RGS6: variants seen among roughly 807,000 people sequenced by gnomAD.
RGS6 encodes the protein regulator of G protein signaling 6.
Under a neutral mutation model 78.5 loss-of-function variants are expected in RGS6, and 30 were observed. The observed-to-expected ratio is 0.38, with a 90% CI of 0.29 to 0.52. The LOEUF (loss-of-function observed/expected upper bound fraction) is 0.52, where lower values mean the gene tolerates loss of function less well. RGS6 is among the 20% of genes least tolerant of loss of function. The pLI is 0.85. For synonymous variants in RGS6, 206 were observed against 206.0 expected (o/e 1.00, Z 0.00); for missense variants, 495 against 609.7 (o/e 0.81, Z 1.98).
At chr14:72,148,859 A>G (rs528753240) in intron 2 of RGS6, among the ~76,000 whole-genome samples, 10 of 152,348 alleles carry the variant, frequency 6.6e-5, no homozygotes, top group Non-Finnish European at 1.3e-4. Context: ...CCTAAAAATG[A>G]GTGGATTTTT....
At chr14:72,527,149 G>A (rs199891747) in intron 15 of RGS6, among the ~76,000 whole-genome samples, 1 of 152,200 alleles carries the variant, frequency 6.6e-6, no homozygotes, top group South Asian at 2.1e-4. Flanking sequence ...GGCCATCCCT[G>A]GTGTCTTGGC....
intron 4 of RGS6, among the ~76,000 whole-genome samples, chr14:72,455,504 G>T (rs1386781585): frequency 1.3e-5 from 2 of 152,188 alleles, no homozygotes; most frequent in Admixed American, 6.5e-5. Flanking sequence ...TTTCTAATCT[G>T]TTGACTGCAA....
chr14:72,524,916 C>T (rs1473171881), intron 15 of RGS6, among the ~76,000 whole-genome samples: 6 of 152,228 alleles, frequency 3.9e-5, no homozygotes, highest in African/African-American at 1.4e-4. Context: ...TTTCCCACCT[C>T]ACCTTCCTAC....
chr14:72,314,437 G>A (rs1289973256), intron 2 of RGS6, among the ~76,000 whole-genome samples: 2 of 152,160 alleles, frequency 1.3e-5, no homozygotes, highest in African/African-American at 4.8e-5. Flanking sequence ...GGCATCCACT[G>A]GCTTACAGAC....
At chr14:72,034,913 C>G (rs2091459397) in intron 2 of RGS6, among the ~76,000 whole-genome samples, 1 of 152,096 alleles carries the variant, frequency 6.6e-6, no homozygotes, top group South Asian at 2.1e-4. Flanking sequence ...CAACTGCAAT[C>G]TGAAAATATT....
intron 2 of RGS6, among the ~76,000 whole-genome samples, chr14:72,150,451 A>T (rs1156742353): frequency 6.6e-6 from 1 of 152,026 alleles, no homozygotes; most frequent in African/African-American, 2.4e-5. Flanking sequence ...GAAATTATAC[A>T]CGAAGTTAGA....
At chr14:72,377,026 A>G (rs577342790) in intron 3 of RGS6, among the ~76,000 whole-genome samples, 146 of 152,308 alleles carry the variant, frequency 9.6e-4, no homozygotes, top group Non-Finnish European at 1.7e-3. Flanking sequence ...AGTAAAAAGA[A>G]ATCGATAGGA....
At chr14:72,625,115 C>T in the RGS6 span, among the ~76,000 whole-genome samples, 1 of 152,090 alleles carries the variant, frequency 6.6e-6, no homozygotes. Context: ...TATCCTACTT[C>T]TCATCATACT....
intron 2 of RGS6, among the ~76,000 whole-genome samples, chr14:72,119,353 C>T (rs2095989818): frequency 6.6e-6 from 1 of 152,102 alleles, no homozygotes. Context: ...TCATAGGAAA[C>T]CATACCCCAC....
chr14:72,584,000 A>C, the RGS6 span, among the ~76,000 whole-genome samples: 2 of 152,218 alleles, frequency 1.3e-5, no homozygotes, highest in Non-Finnish European at 2.9e-5. Context: ...AAGAATCATC[A>C]TCCAAGAGGT....
chr14:72,085,024 G>A (rs1218877605), intron 2 of RGS6, among the ~76,000 whole-genome samples: 1 of 152,130 alleles, frequency 6.6e-6, no homozygotes. Flanking sequence ...ACCACTTTGG[G>A]CAACATTATC....
chr14:72,248,192 T>G (rs1051755148), intron 2 of RGS6, among the ~76,000 whole-genome samples: 2 of 152,172 alleles, frequency 1.3e-5, no homozygotes, highest in South Asian at 4.1e-4. Context: ...TATTTGCCTT[T>G]TTCTCTCTCC....
the RGS6 span, among the ~76,000 whole-genome samples, chr14:72,620,769 G>A: frequency 6.6e-6 from 1 of 152,188 alleles, no homozygotes; most frequent in African/African-American, 2.4e-5. Flanking sequence ...GCAGCCCTGT[G>A]GTACTTTCCC....
the RGS6 span, among the ~76,000 whole-genome samples, chr14:71,890,790 A>G: frequency 6.6e-6 from 1 of 152,236 alleles, no homozygotes; most frequent in Admixed American, 6.5e-5. Context: ...TAAAACTATT[A>G]TTAGTGAAAA....
At chr14:72,024,408 T>C (rs2089407925) in intron 2 of RGS6, among the ~76,000 whole-genome samples, 1 of 152,174 alleles carries the variant, frequency 6.6e-6, no homozygotes, top group Admixed American at 6.5e-5. Context: ...AGCTCTGGGA[T>C]TTAAAACCAG....
intron 2 of RGS6, among the ~76,000 whole-genome samples, chr14:72,064,060 G>A (rs532620765): frequency 3.3e-5 from 5 of 151,916 alleles, no homozygotes; most frequent in South Asian, 2.1e-4. Context: ...GGATTCTCTC[G>A]TAGGTAATCA....
chr14:72,251,689 C>T (rs772863124), intron 2 of RGS6, among the ~76,000 whole-genome samples: 12 of 152,084 alleles, frequency 7.9e-5, no homozygotes, highest in Non-Finnish European at 1.2e-4. Flanking sequence ...TGGGAACAAT[C>T]GACACCAGGG....
chr14:71,922,300 C>CT, the RGS6 span, among the ~76,000 whole-genome samples: 1 of 152,322 alleles, frequency 6.6e-6, no homozygotes, highest in African/African-American at 2.4e-5. Flanking sequence ...GTTCTCATTA[C>CT]TTTTTCCTCT....
chr14:71,965,657 A>G (rs777565674), intron 2 of RGS6, among the ~76,000 whole-genome samples: 4 of 152,224 alleles, frequency 2.6e-5, no homozygotes, highest in Admixed American at 6.5e-5. Flanking sequence ...TTAATCAAGA[A>G]AAACTTCTGT....
Sources: gnomAD v4.1 joint callset for allele counts (sites outside exome capture counted in the v4.1 genomes callset) on GRCh38, gnomAD v4.1.1 for gene constraint, MANE v1.5 for transcripts, NCBI Gene and HGNC (gene_info 2026-07-23, HGNC 2026-07-21) for gene names.